Variants in BCAR3 observed in about 807,000 individuals in gnomAD.
BCAR3 encodes BCAR3 adaptor protein, NSP family member.
Under a neutral mutation model 80.1 loss-of-function variants are expected in BCAR3, and 37 were observed. The observed-to-expected ratio is 0.46, with a 90% CI of 0.36 to 0.61. The LOEUF is 0.61. Ranked by LOEUF, BCAR3 falls within the 20% of genes least tolerant of loss-of-function variation. BCAR3 has a pLI of 0.00. For synonymous variants in BCAR3, 389 were observed against 418.9 expected, an observed-to-expected ratio of 0.93 and a Z score of 0.87; for missense variants, 978 against 1,068.2, an observed-to-expected ratio of 0.92 and a Z score of 1.18.
chr1:93,585,306 G>C, intron 5 of BCAR3: 1 of 689,148 alleles, frequency 1.5e-6, no homozygotes, highest in Non-Finnish European at 1.8e-6. Flanking sequence ...AGCAGGCCAT[G>C]AGCCATCTTT....
intron 3 of BCAR3, among the ~76,000 whole-genome samples, chr1:93,699,695 A>T (rs1649568053): frequency 6.6e-6 from 1 of 152,164 alleles, no homozygotes. Flanking sequence ...GCCAAGACCC[A>T]CAGTTTAGTT....
intron 2 of BCAR3, among the ~76,000 whole-genome samples, chr1:93,658,165 T>C (rs1008050209): frequency 6.6e-6 from 1 of 152,074 alleles, no homozygotes. Context: ...GGTCTCAATC[T>C]CCTGACCTCG....
chr1:93,694,427 C>G (rs1436602859), intron 3 of BCAR3, among the ~76,000 whole-genome samples: 1 of 152,200 alleles, frequency 6.6e-6, no homozygotes, highest in East Asian at 1.9e-4. Flanking sequence ...TCACATCATT[C>G]TTTCTCAGCA....
chr1:93,658,963 C>T (rs1647523432), intron 2 of BCAR3, among the ~76,000 whole-genome samples: 1 of 152,160 alleles, frequency 6.6e-6, no homozygotes, highest in African/African-American at 2.4e-5. Context: ...AACCCATGCA[C>T]CAGGGTATGT....
intron 2 of BCAR3, among the ~76,000 whole-genome samples, chr1:93,827,770 G>A: frequency 6.6e-6 from 1 of 152,046 alleles, no homozygotes; most frequent in East Asian, 1.9e-4. Flanking sequence ...AGGGAGGGAA[G>A]GAGAAAGTAT....
chr1:93,721,709 G>A (rs767849110), intron 2 of BCAR3, among the ~76,000 whole-genome samples: 1 of 152,200 alleles, frequency 6.6e-6, no homozygotes, highest in Non-Finnish European at 1.5e-5. Context: ...GCCTCTCACC[G>A]ATTCCAATGG....
At chr1:93,730,245 C>T (rs1484325663) in intron 2 of BCAR3, among the ~76,000 whole-genome samples, 1 of 152,158 alleles carries the variant, frequency 6.6e-6, no homozygotes, top group Non-Finnish European at 1.5e-5. Context: ...CCTGCCCATC[C>T]TTCACGTCCA....
At chr1:93,713,380 G>A (rs1650089609) in intron 2 of BCAR3, among the ~76,000 whole-genome samples, 1 of 152,104 alleles carries the variant, frequency 6.6e-6, no homozygotes, top group African/African-American at 2.4e-5. Context: ...ATTTAATGAG[G>A]TCCAGATTCC....
intron 2 of BCAR3, among the ~76,000 whole-genome samples, chr1:93,726,070 T>G (rs1650571245): frequency 6.6e-6 from 1 of 152,068 alleles, no homozygotes; most frequent in Non-Finnish European, 1.5e-5. Flanking sequence ...CTTTTTTTTT[T>G]GTTTTTTTGT....
rs561478064 is a variant in BCAR3, at chr1:93,800,985, T to C, written c.-63+44582A>G. Among the ~76,000 whole-genome samples the C allele has an allele frequency of 2.4e-3, 364 of 152,364 alleles. 2 individuals are homozygous for C. The highest frequency in any genetic ancestry group is 4.3e-3 in the Non-Finnish European group (295 of 68,028). On this transcript the variant is annotated intron_variant, in intron 2 of 13. Coordinates refer to the BCAR3 transcript ENST00000370244. ...TTGAGAACAGAAAGGGTAGCTCCCA[T>C]GTCAACTAATGCTTTCGTTTATTCT... is the stretch of plus-strand genomic sequence containing the variant.
At chr1:93,659,212 T>C (rs1647534264) in intron 2 of BCAR3, among the ~76,000 whole-genome samples, 1 of 152,164 alleles carries the variant, frequency 6.6e-6, no homozygotes, top group African/African-American at 2.4e-5. Context: ...GACAGGGCCT[T>C]GCTGTTGCCC....
At chr1:93,842,815 C>A (rs1463123409) in intron 2 of BCAR3, among the ~76,000 whole-genome samples, 1 of 152,178 alleles carries the variant, frequency 6.6e-6, no homozygotes, top group Non-Finnish European at 1.5e-5. Context: ...TCCATAAGGA[C>A]CCATCCAACC....
intron 2 of BCAR3, among the ~76,000 whole-genome samples, chr1:93,712,159 AG>A (rs1393583395): frequency 6.6e-6 from 1 of 152,206 alleles, no homozygotes; most frequent in Non-Finnish European, 1.5e-5. Context: ...AACATGTAGC[AG>A]GCACTGAATA....
intron 3 of BCAR3, among the ~76,000 whole-genome samples, chr1:93,621,910 C>G (rs1055985934): frequency 3.3e-5 from 5 of 152,174 alleles, no homozygotes; most frequent in African/African-American, 1.2e-4. Flanking sequence ...CTCACTCTGT[C>G]GCCCAGGCTG....
intron 2 of BCAR3, among the ~76,000 whole-genome samples, chr1:93,833,657 A>G (rs1184562618): frequency 2.6e-5 from 4 of 152,192 alleles, no homozygotes; most frequent in African/African-American, 9.7e-5. Context: ...CAAGAAGAGA[A>G]ATATGACTCT....
chr1:93,706,747 T>G (rs1649838367), intron 2 of BCAR3, among the ~76,000 whole-genome samples: 1 of 152,228 alleles, frequency 6.6e-6, no homozygotes, highest in Admixed American at 6.5e-5. Context: ...AAATGTTTGA[T>G]AAATAAAAGT....
chr1:93,590,423 G>T (rs1402231341), intron 4 of BCAR3: 1 of 152,152 alleles, frequency 6.6e-6, no homozygotes, highest in African/African-American at 2.4e-5. Flanking sequence ...TGGCTACAAA[G>T]ATTTAAGGGG....
At chr1:93,728,088 T>C (rs1650654703) in intron 2 of BCAR3, among the ~76,000 whole-genome samples, 1 of 152,240 alleles carries the variant, frequency 6.6e-6, no homozygotes, top group Admixed American at 6.5e-5. Flanking sequence ...AGAGGGAGTG[T>C]ATCCCCACTG....
chr1:93,703,185 C>T (rs2101974063), intron 3 of BCAR3, among the ~76,000 whole-genome samples: 1 of 152,276 alleles, frequency 6.6e-6, no homozygotes, highest in African/African-American at 2.4e-5. Flanking sequence ...TGAGGGGTCT[C>T]ACTTGAAGAC....
Sources: gnomAD v4.1 joint callset for allele counts (sites outside exome capture counted in the v4.1 genomes callset) on GRCh38, gnomAD v4.1.1 for gene constraint, MANE v1.5 for transcripts, NCBI Gene and HGNC (gene_info 2026-07-23, HGNC 2026-07-21) for gene names.